The following GSE1 variants were observed in gnomAD, a reference collection of about 807,000 sequenced individuals.
GSE1 encodes genetic suppressor element 1.
GSE1 carries 32 observed loss-of-function variants against 112.6 expected under a neutral mutation model. The ratio of observed to expected loss-of-function variants is 0.28; its 90% CI spans 0.21 to 0.38. The LOEUF is 0.38. Among genes scored for constraint, GSE1 ranks in the 10% least tolerant of loss-of-function variants. The pLI, the probability that GSE1 is intolerant of heterozygous loss-of-function variation, is 1.00. For synonymous variants in GSE1, 1,115 were observed against 735.6 expected, an observed-to-expected ratio of 1.52 and a Z score of -8.35; for missense variants, 2,348 against 1,699.2, an observed-to-expected ratio of 1.38 and a Z score of -6.71.
In GSE1 at chr16:85,185,652, C is replaced by T. The variant is rs187578018; in HGVS notation, c.2283+13845C>T. Among the ~76,000 whole-genome samples the T allele has an allele frequency of 2.0e-5, 3 of 152,368 alleles. No homozygotes were observed. In the East Asian group the frequency reaches 5.8e-4, roughly 29 times the overall value. On this transcript the variant is annotated intron_variant, in intron 1 of 2. Transcript: ENST00000637419. ...CAGGACTCACATGTCATAAGAATTTCTCTGGATAGCAGGAGAAACGTCCCC... is the reference window on the plus strand; with the variant it reads ...CAGGACTCACATGTCATAAGAATTTTTCTGGATAGCAGGAGAAACGTCCCC...
At chr16:85,209,406 G>T (rs888620870) in intron 1 of GSE1, among the ~76,000 whole-genome samples, 4 of 152,100 alleles carry the variant, frequency 2.6e-5, no homozygotes, top group African/African-American at 9.7e-5. Flanking sequence ...CCCCTGCTCT[G>T]ATCATTTGGC....
intron 2 of GSE1, among the ~76,000 whole-genome samples, chr16:85,462,473 G>C (rs766138521): frequency 2.0e-5 from 3 of 151,904 alleles, no homozygotes; most frequent in Non-Finnish European, 4.4e-5. Flanking sequence ...GCCCAGGTCT[G>C]GGGAGCCCCA....
At chr16:85,312,303 A>G (rs926267720) in intron 1 of GSE1, among the ~76,000 whole-genome samples, 2 of 151,854 alleles carry the variant, frequency 1.3e-5, no homozygotes. Context: ...TTAAAACAGC[A>G]GAAACTCACT....
rs1400591882 is a variant in GSE1, at chr16:85,675,726, T to C, written c.*3187T>C. 1 of 152,212 alleles carries C rather than the reference T, an allele frequency of 6.6e-6. No individual in the cohort carries two copies. The highest frequency in any genetic ancestry group is 1.5e-5 in the Non-Finnish European group (1 of 68,034). The allele number at this position is 152,212 out of a possible 1,614,324, so 9.4% of individuals were successfully genotyped here. On this transcript the variant is annotated 3_prime_UTR_variant, in exon 16 of 16. Transcript: ENST00000253458. ...CTGAGCCACATGTTTCACACAAGTG[T>C]AGAAAATGCCAGGGATCCACCACAA... is the stretch of plus-strand genomic sequence containing the variant.
At chr16:85,249,662 C>G (rs1464848654) in intron 1 of GSE1, among the ~76,000 whole-genome samples, 1 of 152,184 alleles carries the variant, frequency 6.6e-6, no homozygotes, top group East Asian at 1.9e-4. Context: ...TGCTCTGGGG[C>G]AGGCCTGGTC....
chr16:85,494,544 C>T (rs536678275), intron 2 of GSE1, among the ~76,000 whole-genome samples: 1 of 151,900 alleles, frequency 6.6e-6, no homozygotes, highest in South Asian at 2.1e-4. Context: ...CCTCCACTTC[C>T]AGGCATGCCC....
rs879526352 is a variant in GSE1 at position 85,269,455 on chromosome 16, T to A, written c.2284-88008T>A. 3.3e-5 allele frequency among the ~76,000 whole-genome samples: 5 copies of A among 149,366 alleles called. 1 individual carries two copies. The highest frequency in any genetic ancestry group is 7.5e-5 in the Non-Finnish European group (5 of 66,250). Reference sequence around the variant, plus strand: ...GAGTGTGTGGGTGTGTGAGTGTGTGTGTGTGTGTGTGTGAGTGTTCTCACC... The same window carrying A: ...GAGTGTGTGGGTGTGTGAGTGTGTGAGTGTGTGTGTGTGAGTGTTCTCACC... On this transcript the variant is annotated intron_variant, in intron 1 of 2. Transcript: ENST00000637419.
intron 1 of GSE1, among the ~76,000 whole-genome samples, chr16:85,326,328 C>T (rs902259659): frequency 6.6e-6 from 1 of 152,170 alleles, no homozygotes; most frequent in African/African-American, 2.4e-5. Flanking sequence ...CATGTCTGTG[C>T]CTCAGTGAAC....
rs143143067 is a variant in GSE1, at chr16:85,246,471, GCACACA to G, written c.2283+74680_2283+74685del. Among the ~76,000 whole-genome samples the G allele has an allele frequency of 1.4e-3, 51 of 36,806 alleles. 1 individual carries two copies. The highest frequency in any genetic ancestry group is 1.8e-3 in the Non-Finnish European group (36 of 20,256). The allele number at this position is 36,806 out of a possible 152,430, so 24.1% of individuals were successfully genotyped here. A position where few individuals can be genotyped will look rare whatever the true frequency, so the allele number is the denominator to read the frequency against. Reference sequence around the variant, plus strand: ...CACACACACACACACCCCACACGCTGCACACACACACACACACACACTCTACACACC... The same window carrying G: ...CACACACACACACACCCCACACGCTGCACACACACACACACTCTACACACC... On this transcript the variant is annotated intron_variant, in intron 1 of 2. Coordinates refer to the GSE1 transcript ENST00000637419.
At chr16:85,528,638 TTTTTGTTTTGTTTTG>T (rs71151301) in intron 2 of GSE1, among the ~76,000 whole-genome samples, 1,561 of 145,188 alleles carry the variant, frequency 0.011, 34 homozygotes, top group African/African-American at 0.038. Context: ...GGATTGCTGT[TTTTTGTTTTGTTTTG>T]TTTTGTTTTG....
In GSE1 at chr16:85,634,060, G is replaced by T; in HGVS notation, c.154G>T (p.Ala52Ser). ...CCCCGCCACCAGCAGCGCGCTGTCG[G>T]CCCAGGCCGCGCCATCCTCCAGCTT... Reference protein sequence around the residue: ...GSPATSSALSAQAAPSSSFAA... With the variant: ...GSPATSSALSSQAAPSSSFAA... Residue 52 changes from alanine (A) to serine (S), a missense_variant, in exon 2 of 16, where the codon GCC becomes TCC. Ala to Ser is a moderately conservative substitution (Grantham distance 99). Coordinates refer to ENST00000253458, the MANE Select transcript of GSE1 (RefSeq NM_014615.5). 6.2e-7 allele frequency: 1 copy of T among 1,607,144 alleles called. No individual in the cohort carries two copies.
intron 1 of GSE1, among the ~76,000 whole-genome samples, chr16:85,281,456 C>T (rs996006278): frequency 6.6e-6 from 1 of 152,094 alleles, no homozygotes; most frequent in African/African-American, 2.4e-5. Context: ...GTGGCTAAAC[C>T]GAGGCCCACA....
At chr16:85,447,629 G>A (rs182809709) in intron 2 of GSE1, among the ~76,000 whole-genome samples, 1 of 152,320 alleles carries the variant, frequency 6.6e-6, no homozygotes, top group East Asian at 1.9e-4. Context: ...CCTGTGAGGT[G>A]TCACATCTTC....
chr16:85,363,568 T>C (rs1313185454), intron 2 of GSE1, among the ~76,000 whole-genome samples: 6 of 152,186 alleles, frequency 3.9e-5, no homozygotes, highest in Non-Finnish European at 8.8e-5. Flanking sequence ...GCAGGGCTGA[T>C]CCCAGCATCC....
chr16:85,349,357 A>G (rs16975535), intron 1 of GSE1, among the ~76,000 whole-genome samples: 6,240 of 152,280 alleles, frequency 0.041, 402 homozygotes, highest in African/African-American at 0.14. Flanking sequence ...ACAGAACAAG[A>G]AATCCCATCA....
chr16:85,520,092 G>T (rs931101459), intron 2 of GSE1, among the ~76,000 whole-genome samples: 1 of 152,198 alleles, frequency 6.6e-6, no homozygotes, highest in Non-Finnish European at 1.5e-5. Flanking sequence ...CCATCGAAAT[G>T]TACTGCTTCA....
chr16:85,358,661 C>T (rs893925447), intron 2 of GSE1, among the ~76,000 whole-genome samples: 6 of 152,228 alleles, frequency 3.9e-5, no homozygotes, highest in Non-Finnish European at 8.8e-5. Flanking sequence ...CAATACCGAC[C>T]TCTTTCTCTT....
rs554505871 is a variant in GSE1, at chr16:85,230,946, C to T, written c.2283+59139C>T. Among the ~76,000 whole-genome samples the T allele has an allele frequency of 1.0e-4, 15 of 145,910 alleles. 1 individual carries two copies. Among genetic ancestry groups the T allele is most frequent in the East Asian group, 4.1e-4 (2 of 4,826 alleles). On this transcript the variant is annotated intron_variant, in intron 1 of 2. Transcript: ENST00000637419. ...ATGGATGAATGAATGGATGGACAGACGGATGGATGGATAGATGGATGGACG... is the reference window on the plus strand; with the variant it reads ...ATGGATGAATGAATGGATGGACAGATGGATGGATGGATAGATGGATGGACG...
intron 2 of GSE1, among the ~76,000 whole-genome samples, chr16:85,517,835 G>A (rs992380298): frequency 6.6e-6 from 1 of 152,262 alleles, no homozygotes; most frequent in South Asian, 2.1e-4. Context: ...GATAAAGCAG[G>A]CTCCGCCGTG....
Sources: gnomAD v4.1 joint callset for allele counts (sites outside exome capture counted in the v4.1 genomes callset) on GRCh38, gnomAD v4.1.1 for gene constraint, MANE v1.5 for transcripts, NCBI Gene and HGNC (gene_info 2026-07-23, HGNC 2026-07-21) for gene names.